NTRK2: variants seen among roughly 807,000 people sequenced by gnomAD.
The protein encoded by NTRK2 is neurotrophic receptor tyrosine kinase 2.
A neutral mutation model predicts 94.5 loss-of-function variants in NTRK2; 13 were observed. The observed-to-expected ratio is 0.14, with a 90% CI of 0.09 to 0.22. The LOEUF (loss-of-function observed/expected upper bound fraction) is 0.22, where lower values mean the gene tolerates loss of function less well. NTRK2 is among the 10% of genes least tolerant of loss of function. The probability of loss-of-function intolerance (pLI) is 1.00; values close to 1 mark genes in which losing one functional copy is unlikely to be tolerated. For synonymous variants in NTRK2, 372 were observed against 407.4 expected (o/e 0.91, Z 1.05); for missense variants, 639 against 1,071.2 (o/e 0.60, Z 5.63).
intron 17 of NTRK2, among the ~76,000 whole-genome samples, chr9:84,960,360 A>G (rs772896836): frequency 6.6e-6 from 1 of 152,222 alleles, no homozygotes; most frequent in Non-Finnish European, 1.5e-5. Flanking sequence ...TGAACTGGAA[A>G]ATATAGTCCT....
intron 9 of NTRK2, among the ~76,000 whole-genome samples, chr9:84,735,037 T>C (rs567957031): frequency 6.6e-6 from 1 of 152,188 alleles, no homozygotes; most frequent in African/African-American, 2.4e-5. Context: ...TTTGTAGCTA[T>C]GGTCAAAGAT....
chr9:84,680,353 A>G (rs2059318979), intron 2 of NTRK2, among the ~76,000 whole-genome samples: 1 of 152,164 alleles, frequency 6.6e-6, no homozygotes, highest in South Asian at 2.1e-4. Context: ...CTTACTTCCT[A>G]TGGTAGCAGT....
intron 12 of NTRK2, chr9:84,813,267 G>C: frequency 1.9e-6 from 2 of 1,038,904 alleles, no homozygotes; most frequent in East Asian, 5.3e-5. Context: ...GCAGCCAACT[G>C]TGTCCCACAG....
At chr9:84,765,299 A>G (rs2065925362) in intron 12 of NTRK2, among the ~76,000 whole-genome samples, 1 of 152,198 alleles carries the variant, frequency 6.6e-6, no homozygotes, top group Admixed American at 6.5e-5. Flanking sequence ...CCTGTATCAA[A>G]ACATCTCATG....
chr9:84,755,652 C>T (rs1164044687), intron 12 of NTRK2, among the ~76,000 whole-genome samples: 1 of 146,852 alleles, frequency 6.8e-6, no homozygotes, highest in South Asian at 2.2e-4. Context: ...CAACAATCGT[C>T]ATTGTTTAAG....
intron 5 of NTRK2, among the ~76,000 whole-genome samples, 196 bp from the exon 6 acceptor site, chr9:84,710,441 G>A (rs557907030): frequency 1.3e-5 from 2 of 152,242 alleles, no homozygotes; most frequent in South Asian, 4.2e-4. Flanking sequence ...ATTCTCCAGT[G>A]CTGTCTGCAT....
Position 85,023,007 on chromosome 9 carries a change from T to G in NTRK2, c.*1570T>G, listed in dbSNP as rs1271157497. The G allele has an allele frequency of 4.3e-6, 1 of 233,018 alleles. No individual in the cohort carries two copies. The highest frequency in any genetic ancestry group is 2.2e-5 in the African/African-American group (1 of 45,320). 14.4% of individuals were successfully genotyped at this position (233,018 alleles called of 1,614,324 possible). On this transcript the variant is annotated 3_prime_UTR_variant, in exon 19 of 19. Transcript: ENST00000277120. ...CATTCCAAGTGTACTCCATTGTCAG[T>G]ATGCTGTTTTTGTTTCCTTCACTCC...
chr9:84,898,347 A>G (rs1318131602), intron 14 of NTRK2, among the ~76,000 whole-genome samples: 1 of 152,162 alleles, frequency 6.6e-6, no homozygotes, highest in South Asian at 2.1e-4. Flanking sequence ...GCTGGCTACA[A>G]TGCACTTAGG....
chr9:84,996,543 G>A (rs1829772987), intron 17 of NTRK2, among the ~76,000 whole-genome samples: 1 of 152,170 alleles, frequency 6.6e-6, no homozygotes, highest in Non-Finnish European at 1.5e-5. Flanking sequence ...CTTTGTCAGG[G>A]CCTTGGAGTC....
At chr9:84,912,611 CTTTT>C (rs1212242779) in intron 14 of NTRK2, among the ~76,000 whole-genome samples, 1 of 95,242 alleles carries the variant, frequency 1.0e-5, no homozygotes, top group Non-Finnish European at 2.0e-5. Flanking sequence ...TTTGACTTGC[CTTTT>C]TTTTTTTTTT....
rs750886765 is a variant in NTRK2, at chr9:85,021,976, A to T, written c.*539A>T. 8.3e-6 allele frequency: 2 copies of T among 241,150 alleles called. No individual in the cohort carries two copies. Among genetic ancestry groups the T allele is most frequent in the Non-Finnish European group, 1.6e-5 (2 of 122,720 alleles). 14.9% of individuals were successfully genotyped at this position (241,150 alleles called of 1,614,324 possible). On this transcript the variant is annotated 3_prime_UTR_variant, in exon 19 of 19. Coordinates refer to ENST00000277120, the MANE Select transcript of NTRK2 (RefSeq NM_006180.6). ...AGTTTCTATGGATTCACTTCTATTT[A>T]TTTATTATTATTACTGTTCTTATTG...
chr9:84,675,592 A>G (rs2059002041), intron 2 of NTRK2, among the ~76,000 whole-genome samples: 1 of 152,094 alleles, frequency 6.6e-6, no homozygotes. Context: ...TGTAATCAAT[A>G]GGAGGATTTG....
At chr9:84,947,000 G>C (rs1436044747) in intron 15 of NTRK2, among the ~76,000 whole-genome samples, 2 of 152,092 alleles carry the variant, frequency 1.3e-5, no homozygotes, top group African/African-American at 2.4e-5. Flanking sequence ...CTGTCGCTCA[G>C]GCTGGATTGC....
chr9:85,017,548 T>G (rs969358071), intron 17 of NTRK2, among the ~76,000 whole-genome samples: 3 of 152,218 alleles, frequency 2.0e-5, no homozygotes, highest in Admixed American at 6.5e-5. Flanking sequence ...TGGTTATCTC[T>G]CCCACAAACA....
At chr9:84,706,527 G>GTTTTTTTTTTTTTT (rs71369141) in intron 4 of NTRK2, among the ~76,000 whole-genome samples, 4 of 81,658 alleles carry the variant, frequency 4.9e-5, no homozygotes, top group Non-Finnish European at 6.4e-5. Context: ...TTTTGTTTTT[G>GTTTTTTTTTTTTTT]TTTTTTTTTT....
intron 12 of NTRK2, among the ~76,000 whole-genome samples, chr9:84,850,876 G>T (rs11791654): frequency 0.14 from 21,831 of 152,150 alleles, 1,627 homozygotes; most frequent in Admixed American, 0.17. Flanking sequence ...TCACTAGGGA[G>T]GAGAACATTA....
intron 2 of NTRK2, among the ~76,000 whole-genome samples, chr9:84,694,645 AT>A (rs527274282): frequency 1.5e-4 from 22 of 150,166 alleles, no homozygotes; most frequent in African/African-American, 4.1e-4. Context: ...GACCAAGGGA[AT>A]TTTTTTTTTA....
At chr9:84,770,036 T>C (rs2066387881) in intron 12 of NTRK2, among the ~76,000 whole-genome samples, 1 of 152,142 alleles carries the variant, frequency 6.6e-6, no homozygotes, top group African/African-American at 2.4e-5. Flanking sequence ...ACTGGCCTTG[T>C]GTGCTCACCC....
chr9:84,910,726 C>G (rs2077214377), intron 14 of NTRK2, among the ~76,000 whole-genome samples: 1 of 152,130 alleles, frequency 6.6e-6, no homozygotes, highest in Non-Finnish European at 1.5e-5. Context: ...CTCTTCTGTT[C>G]TATTGATTTA....
Sources: gnomAD v4.1 joint callset for allele counts (sites outside exome capture counted in the v4.1 genomes callset) on GRCh38, gnomAD v4.1.1 for gene constraint, MANE v1.5 for transcripts, NCBI Gene and HGNC (gene_info 2026-07-23, HGNC 2026-07-21) for gene names.